The following TDRD3 variants were observed in gnomAD, a reference collection of about 807,000 sequenced individuals.
TDRD3 encodes tudor domain-containing protein 3.
Under a neutral mutation model 86.7 loss-of-function variants are expected in TDRD3, and 45 were observed. The ratio of observed to expected loss-of-function variants is 0.52; its 90% CI spans 0.41 to 0.67. The LOEUF (loss-of-function observed/expected upper bound fraction) is 0.67. Among genes scored for constraint, TDRD3 ranks in the 30% least tolerant of loss-of-function variants. TDRD3 has a pLI of 0.00. For synonymous variants in TDRD3, 298 were observed against 301.7 expected, an observed-to-expected ratio of 0.99 and a Z score of 0.13; for missense variants, 814 against 889.0, an observed-to-expected ratio of 0.92 and a Z score of 1.07.
intron 3 of TDRD3, among the ~76,000 whole-genome samples, chr13:60,447,509 G>C (rs34357589): frequency 0.045 from 6,851 of 152,208 alleles, 215 homozygotes; most frequent in Non-Finnish European, 0.064. Flanking sequence ...ATTTAGGATG[G>C]TATTTTTATC....
chr13:60,401,634 G>A (rs1221937698), intron 1 of TDRD3, among the ~76,000 whole-genome samples: 1 of 152,218 alleles, frequency 6.6e-6, no homozygotes, highest in African/African-American at 2.4e-5. Context: ...AGGAAGCCCA[G>A]TTTTCTAACA....
chr13:60,572,435 T>A (rs1204386602), intron 13 of TDRD3, among the ~76,000 whole-genome samples: 1 of 152,200 alleles, frequency 6.6e-6, no homozygotes, highest in African/African-American at 2.4e-5. Flanking sequence ...TAGGATGGAT[T>A]ATAGCACCAG....
chr13:60,455,742 T>A (rs574473762), intron 3 of TDRD3, among the ~76,000 whole-genome samples: 1 of 152,180 alleles, frequency 6.6e-6, no homozygotes, highest in Non-Finnish European at 1.5e-5. Flanking sequence ...GTATACAGAT[T>A]GAGAAATTTC....
Position 60,535,126 on chromosome 13 carries a change from G to C in TDRD3, c.2011G>C (p.Glu671Gln), listed in dbSNP as rs1957671199. 2 of 1,613,594 alleles carry C rather than the reference G, an allele frequency of 1.2e-6. No homozygotes were observed. The highest frequency in any genetic ancestry group is 1.3e-5 in the African/African-American group (1 of 74,846). Residue 671 changes from glutamate to glutamine, a missense_variant, in exon 12 of 14, where the codon GAA becomes CAA. By Grantham distance (29) the Glu-to-Gln change is conservative. Coordinates refer to ENST00000377881, the MANE Select transcript of TDRD3 (RefSeq NM_001146070.2). ...EDNKFYRAEV[E>Q]ALHSSGMTAV... ...TCCTCAGTTTTACCGGGCAGAAGTT[G>C]AAGCCCTCCATTCTTCGGGTATGAC...
At chr13:60,523,067 A>C (rs1957325379) in intron 10 of TDRD3, among the ~76,000 whole-genome samples, 1 of 152,200 alleles carries the variant, frequency 6.6e-6, no homozygotes. Flanking sequence ...TGAGGATTAC[A>C]TGAAATTATG....
chr13:60,466,048 A>G (rs1308393057), intron 4 of TDRD3, among the ~76,000 whole-genome samples: 1 of 152,160 alleles, frequency 6.6e-6, no homozygotes, highest in Non-Finnish European at 1.5e-5. Context: ...TTTGCCCCAA[A>G]TCTGATAGCC....
chr13:60,396,214 G>C (rs1283079144), upstream of TDRD3, among the ~76,000 whole-genome samples: 1 of 152,222 alleles, frequency 6.6e-6, no homozygotes, highest in Non-Finnish European at 1.5e-5. Flanking sequence ...GTTCCTAACA[G>C]TCTTCTTCCC....
intron 8 of TDRD3, 73 bp downstream of exon 8, chr13:60,494,648 C>A: frequency 6.9e-7 from 1 of 1,449,256 alleles, no homozygotes; most frequent in Non-Finnish European, 9.4e-7. Context: ...TTCTTACCAC[C>A]ACCACTGGCT....
intron 12 of TDRD3, among the ~76,000 whole-genome samples, chr13:60,555,837 C>T (rs1284104020): frequency 6.6e-6 from 1 of 150,468 alleles, no homozygotes; most frequent in South Asian, 2.1e-4. Context: ...GGAAAAAAAA[C>T]CAACCTATTT....
chr13:60,496,644 C>T (rs574401554), intron 8 of TDRD3, among the ~76,000 whole-genome samples: 1 of 152,078 alleles, frequency 6.6e-6, no homozygotes, highest in Admixed American at 6.5e-5. Flanking sequence ...ATACCTTTGA[C>T]CATATGTGGA....
chr13:60,410,686 C>T (rs540287477), intron 1 of TDRD3, among the ~76,000 whole-genome samples: 106 of 152,230 alleles, frequency 7.0e-4, no homozygotes, highest in African/African-American at 2.3e-3. Context: ...TGACTTCTTT[C>T]CTCAGTTTTG....
chr13:60,496,802 G>A (rs1246953690), intron 8 of TDRD3, among the ~76,000 whole-genome samples: 1 of 152,118 alleles, frequency 6.6e-6, no homozygotes, highest in East Asian at 1.9e-4. Context: ...CTGAGTAAGA[G>A]TCTTATTGTT....
intron 7 of TDRD3, among the ~76,000 whole-genome samples, chr13:60,486,266 T>C (rs1956433066): frequency 2.0e-5 from 3 of 152,110 alleles, no homozygotes. Context: ...GAGTTTCCTA[T>C]TAGTAGTTGG....
chr13:60,542,191 T>C (rs1957833807), intron 12 of TDRD3, among the ~76,000 whole-genome samples: 1 of 152,200 alleles, frequency 6.6e-6, no homozygotes. Context: ...ACTTTACTTA[T>C]AGATACTTTT....
intron 10 of TDRD3, among the ~76,000 whole-genome samples, chr13:60,527,346 G>C (rs1018523692): frequency 6.6e-6 from 1 of 152,200 alleles, no homozygotes; most frequent in African/African-American, 2.4e-5. Context: ...GGCCAATGAA[G>C]TTAATTTTCT....
At chr13:60,450,759 C>G (rs1309164360) in intron 3 of TDRD3, among the ~76,000 whole-genome samples, 1 of 152,034 alleles carries the variant, frequency 6.6e-6, no homozygotes, top group Non-Finnish European at 1.5e-5. Flanking sequence ...CCAGCCGTGT[C>G]AATGTAGTGA....
intron 1 of TDRD3, among the ~76,000 whole-genome samples, chr13:60,409,211 A>T (rs1318848923): frequency 5.3e-5 from 8 of 152,246 alleles, no homozygotes; most frequent in Admixed American, 5.2e-4. Flanking sequence ...AAATGCCTGG[A>T]TGCCCAGGCA....
chr13:60,569,686 C>T (rs936913584), intron 13 of TDRD3, among the ~76,000 whole-genome samples: 43 of 152,008 alleles, frequency 2.8e-4, no homozygotes, highest in African/African-American at 8.9e-4. Flanking sequence ...ACTACAAAGC[C>T]GTAGTAAACA....
chr13:60,474,608 C>A (rs538672392), intron 5 of TDRD3, among the ~76,000 whole-genome samples: 4 of 152,268 alleles, frequency 2.6e-5, no homozygotes, highest in African/African-American at 9.6e-5. Flanking sequence ...TTGTAAGACC[C>A]ATACAATTAT....
Sources: allele counts gnomAD v4.1 joint callset (sites outside exome capture counted in the v4.1 genomes callset), GRCh38; gene constraint gnomAD v4.1.1; transcripts MANE v1.5; gene names NCBI Gene and HGNC (gene_info 2026-07-23, HGNC 2026-07-21).